The following BCAS3 variants were observed in gnomAD, a reference collection of about 807,000 sequenced individuals.
BCAS3 encodes the protein BCAS4/BCAS3 fusion.
In BCAS3, 53 loss-of-function variants were observed where a neutral mutation model predicts 116.1. The ratio of observed to expected loss-of-function variants is 0.46; its 90% CI spans 0.37 to 0.57. The LOEUF is 0.57. Ranked by LOEUF, BCAS3 falls within the 20% of genes least tolerant of loss-of-function variation. The probability of loss-of-function intolerance (pLI) is 0.00; values close to 1 mark genes in which losing one functional copy is unlikely to be tolerated. For synonymous variants in BCAS3, 391 were observed against 408.2 expected (o/e 0.96, Z 0.51); for missense variants, 917 against 1,165.4 (o/e 0.79, Z 3.10).
chr17:61,078,620 T>A, intron 21 of BCAS3, 91 bp downstream of exon 21: 1 of 1,113,974 alleles, frequency 9.0e-7, no homozygotes, highest in Non-Finnish European at 1.3e-6. Flanking sequence ...GGTTTCCCCT[T>A]TTGGCACAGT....
Position 61,368,274 on chromosome 17 carries a change from G to T in BCAS3, c.2426-53G>T. 1 of 1,532,906 alleles carries T rather than the reference G, an allele frequency of 6.5e-7. No homozygotes were observed. Among genetic ancestry groups the T allele is most frequent in the Non-Finnish European group, 8.8e-7 (1 of 1,130,070 alleles). 95.0% of individuals were successfully genotyped at this position (1,532,906 alleles called of 1,614,324 possible). ...AGCGGGTGGGAGGTAGACAAGAATG[G>T]CCTGCTCCCTGAAGGTGTGGACTCA... On this transcript the variant is annotated intron_variant, in intron 22 of 23. Coordinates refer to ENST00000407086, the MANE Select transcript of BCAS3 (RefSeq NM_017679.5). The surrounding 1 kb of genome is among the most constrained non-coding windows in gnomAD (Gnocchi z 6.0).
At chr17:61,142,936 T>C (rs2077000090) in intron 22 of BCAS3, among the ~76,000 whole-genome samples, 1 of 152,240 alleles carries the variant, frequency 6.6e-6, no homozygotes, top group African/African-American at 2.4e-5. Context: ...GTATATGTTT[T>C]CTTATCCAAA....
chr17:61,050,706 CAAATT>C (rs1289812567), intron 19 of BCAS3, among the ~76,000 whole-genome samples: 1 of 151,904 alleles, frequency 6.6e-6, no homozygotes, highest in Non-Finnish European at 1.5e-5. Context: ...ATGAGATTGT[CAAATT>C]AGATTTAAAA....
chr17:61,078,990 A>G (rs952185777), intron 21 of BCAS3, among the ~76,000 whole-genome samples: 6 of 152,124 alleles, frequency 3.9e-5, no homozygotes, highest in African/African-American at 4.8e-5. Flanking sequence ...TTTATCTTCT[A>G]TATTTTTATA....
At chr17:60,929,965 A>G (rs908252264) in intron 13 of BCAS3, among the ~76,000 whole-genome samples, 10 of 151,858 alleles carry the variant, frequency 6.6e-5, no homozygotes, top group Admixed American at 2.0e-4. Context: ...AATCCAGTCT[A>G]TCATTGTTGG....
rs1279702498 is a variant in BCAS3 at position 61,105,355 on chromosome 17, A to T, written c.2425+20791A>T. Among the ~76,000 whole-genome samples the T allele has an allele frequency of 6.6e-6, 1 of 152,242 alleles. No individual in the cohort carries two copies. Among genetic ancestry groups the T allele is most frequent in the East Asian group, 1.9e-4 (1 of 5,200 alleles). On this transcript the variant is annotated intron_variant, in intron 22 of 23. Transcript: ENST00000407086. The surrounding 1 kb of genome is among the most constrained non-coding windows in gnomAD (Gnocchi z 4.3). ...AGGTTTTCAATAAAACTTAAGTGGA[A>T]TGTGGCTAGAAAAGCAGACCCATGA...
intron 19 of BCAS3, among the ~76,000 whole-genome samples, chr17:61,066,962 A>AT (rs1321498252): frequency 6.6e-6 from 1 of 151,936 alleles, no homozygotes; most frequent in Non-Finnish European, 1.5e-5. Flanking sequence ...ATTATTATTT[A>AT]TATACTTTAA....
chr17:61,224,506 C>G lies in BCAS3; in HGVS notation c.2425+139942C>G, dbSNP rs1408906984. Among the ~76,000 whole-genome samples, 1 of 152,202 alleles carries G rather than the reference C, an allele frequency of 6.6e-6. No homozygotes were observed. The highest frequency in any genetic ancestry group is 2.4e-5 in the African/African-American group (1 of 41,450). ...CAGGTGGTTTGGTTTGCCCATCAGA[C>G]AGTGTGGCAAGGACAGCAAAAGGAG... On this transcript the variant is annotated intron_variant, in intron 22 of 23. Transcript: ENST00000407086. This position sits in a 1 kb window ranked among gnomAD's most constrained non-coding sequence, Gnocchi z 5.7.
chr17:60,738,782 G>A (rs958044331), intron 5 of BCAS3, among the ~76,000 whole-genome samples: 13 of 152,004 alleles, frequency 8.6e-5, no homozygotes, highest in African/African-American at 2.9e-4. Flanking sequence ...TTGTGAAAGG[G>A]TCTTGGTCTT....
chr17:60,922,980 G>A (rs778267696), intron 12 of BCAS3, among the ~76,000 whole-genome samples: 1 of 152,058 alleles, frequency 6.6e-6, no homozygotes, highest in East Asian at 1.9e-4. Context: ...GCTTATATTA[G>A]GACAAGAAAA....
intron 22 of BCAS3, among the ~76,000 whole-genome samples, chr17:61,163,497 G>A (rs2078292760): frequency 6.6e-6 from 1 of 151,944 alleles, no homozygotes; most frequent in Non-Finnish European, 1.5e-5. Flanking sequence ...ACTATTAGGA[G>A]ATGGGATGGT....
intron 22 of BCAS3, among the ~76,000 whole-genome samples, chr17:61,345,851 T>A (rs2057474779): frequency 6.6e-6 from 1 of 152,066 alleles, no homozygotes; most frequent in Non-Finnish European, 1.5e-5. Context: ...CCAAACAGCA[T>A]GATTAGAATA....
intron 12 of BCAS3, among the ~76,000 whole-genome samples, chr17:60,913,707 G>A (rs2145113781): frequency 6.6e-6 from 1 of 152,166 alleles, no homozygotes; most frequent in South Asian, 2.1e-4. Flanking sequence ...TAAATCCCTT[G>A]AGCCTTTGAT....
chr17:60,942,855 A>G (rs1453579131), intron 13 of BCAS3, among the ~76,000 whole-genome samples: 2 of 152,152 alleles, frequency 1.3e-5, no homozygotes, highest in Non-Finnish European at 2.9e-5. Context: ...GGGAATAGCA[A>G]GGTAAACGTA....
At chr17:60,825,859 T>A (rs2050370889) in intron 7 of BCAS3, among the ~76,000 whole-genome samples, 1 of 146,908 alleles carries the variant, frequency 6.8e-6, no homozygotes, top group Admixed American at 6.8e-5. Flanking sequence ...GGGATTCAGT[T>A]TTTTTTTTTT....
chr17:60,959,778 G>A (rs2061327006), intron 14 of BCAS3, among the ~76,000 whole-genome samples: 1 of 152,086 alleles, frequency 6.6e-6, no homozygotes, highest in South Asian at 2.1e-4. Context: ...CTACAGTTTT[G>A]GAGGGCAAAA....
chr17:61,152,473 G>A (rs1004440042), intron 22 of BCAS3, among the ~76,000 whole-genome samples: 2 of 152,006 alleles, frequency 1.3e-5, no homozygotes, highest in African/African-American at 2.4e-5. Context: ...GTCCCCACTC[G>A]ACCCAGGAAG....
rs187802618 is a variant in BCAS3, at chr17:61,205,787, G to A, written c.2425+121223G>A. Among the ~76,000 whole-genome samples, 176 of 152,250 alleles carry A rather than the reference G, an allele frequency of 1.2e-3. 2 individuals are homozygous for A. Among genetic ancestry groups the A allele is most frequent in the South Asian group, 1.0e-2 (48 of 4,810 alleles). ...AAGTTTCTGAAGCTTTGTAGGAGCC[G>A]CAGAGTGTACCTAGTTTTGCCAGGC... On this transcript the variant is annotated intron_variant, in intron 22 of 23. Transcript: ENST00000407086. The surrounding 1 kb of genome is among the most constrained non-coding windows in gnomAD (Gnocchi z 5.2).
intron 15 of BCAS3, among the ~76,000 whole-genome samples, chr17:60,991,322 T>C (rs1347992124): frequency 1.3e-5 from 2 of 152,234 alleles, no homozygotes; most frequent in Non-Finnish European, 2.9e-5. Context: ...TCCATTGTAC[T>C]TCTGTTTATT....
Sources: allele counts gnomAD v4.1 joint callset (sites outside exome capture counted in the v4.1 genomes callset), GRCh38; gene constraint gnomAD v4.1.1; non-coding constraint Gnocchi (gnomAD v3.1); transcripts MANE v1.5; gene names NCBI Gene and HGNC (gene_info 2026-07-23, HGNC 2026-07-21).